SLC30A7: variants seen among roughly 807,000 people sequenced by gnomAD.
The protein encoded by SLC30A7 is zinc transporter 7.
Under a neutral mutation model 46.0 loss-of-function variants are expected in SLC30A7, and 35 were observed. The ratio of observed to expected loss-of-function variants is 0.76; its 90% CI spans 0.58 to 1.01. SLC30A7 has a LOEUF of 1.01. SLC30A7 is among the 50% of genes least tolerant of loss of function. The pLI is 0.00. For synonymous variants in SLC30A7, 147 were observed against 157.8 expected (o/e 0.93, Z 0.51); for missense variants, 464 against 451.1 (o/e 1.03, Z -0.26).
chr1:100,909,227 A>G (rs1651920254), intron 3 of SLC30A7, among the ~76,000 whole-genome samples: 1 of 152,160 alleles, frequency 6.6e-6, no homozygotes, highest in South Asian at 2.1e-4. Flanking sequence ...TTGAATTCTC[A>G]TAACCTCCCA....
intron 8 of SLC30A7, among the ~76,000 whole-genome samples, chr1:100,924,697 C>T (rs1400494592): frequency 6.7e-6 from 1 of 148,698 alleles, no homozygotes; most frequent in African/African-American, 2.5e-5. Flanking sequence ...AAAATTGGTA[C>T]ACTTTGAATT....
At chr1:100,964,884 C>G (rs1655781963) in intron 9 of SLC30A7, among the ~76,000 whole-genome samples, 1 of 151,986 alleles carries the variant, frequency 6.6e-6, no homozygotes. Context: ...ATCTTTTTCC[C>G]CAATAAAAGC....
At chr1:100,940,742 A>G (rs1041396325) in intron 8 of SLC30A7, among the ~76,000 whole-genome samples, 3 of 152,244 alleles carry the variant, frequency 2.0e-5, no homozygotes, top group Non-Finnish European at 2.9e-5. Context: ...AAAAAATAAA[A>G]TCTTATATTA....
Position 100,918,105 on chromosome 1 carries a change from AC to A in SLC30A7, c.687del (p.Ser230AlafsTer13). On this transcript the variant is annotated frameshift_variant, in exon 7 of 11. Transcript: ENST00000357650. LOFTEE classifies it high-confidence loss of function. ...GCCCGTCCTTAAAAGAAACAACAGG[AC>A]CCAGCAGACAGATTTTACAAGGTAT... is the stretch of plus-strand genomic sequence containing the variant. ...DGPSLKETTGPSRQILQGVFL... is the reference protein window; with the variant it reads ...DGPSLKETTGXSRQILQGVFL... 1.2e-6 allele frequency: 2 copies of A among 1,613,024 alleles called. No homozygotes were observed. Among genetic ancestry groups the A allele is most frequent in the Non-Finnish European group, 1.7e-6 (2 of 1,179,354 alleles).
At chr1:100,902,740 G>A (rs1304806623) in intron 2 of SLC30A7, among the ~76,000 whole-genome samples, 1 of 152,124 alleles carries the variant, frequency 6.6e-6, no homozygotes, top group Non-Finnish European at 1.5e-5. Flanking sequence ...TGTGATCTAT[G>A]TATCTTCTTC....
intron 8 of SLC30A7, among the ~76,000 whole-genome samples, chr1:100,939,362 C>T (rs1430566400): frequency 6.6e-6 from 1 of 151,546 alleles, no homozygotes; most frequent in Admixed American, 6.7e-5. Context: ...AATCAATGTT[C>T]TTTATATATA....
the SLC30A7 span, among the ~76,000 whole-genome samples, chr1:100,991,299 A>G: frequency 6.6e-6 from 1 of 152,190 alleles, no homozygotes; most frequent in Non-Finnish European, 1.5e-5. Context: ...CTGACCCTTT[A>G]ATGGTTGTAT....
At chr1:100,920,419 T>C (rs1382273770) in intron 7 of SLC30A7, among the ~76,000 whole-genome samples, 1 of 152,014 alleles carries the variant, frequency 6.6e-6, no homozygotes, top group African/African-American at 2.4e-5. Context: ...ATTCTATAAG[T>C]ATGTCTGACA....
intron 8 of SLC30A7, chr1:100,941,001 A>G (rs915906508): frequency 1.6e-5 from 6 of 363,914 alleles, no homozygotes; most frequent in African/African-American, 1.3e-4. Context: ...GCTAAACTTT[A>G]TTTCCTAGCA....
At chr1:100,912,631 C>T (rs534718756) in intron 5 of SLC30A7, among the ~76,000 whole-genome samples, 7 of 152,058 alleles carry the variant, frequency 4.6e-5, no homozygotes, top group South Asian at 2.1e-4. Flanking sequence ...TGACACCAGC[C>T]TGGGCGATAT....
At chr1:100,974,212 A>C (rs538714403) in intron 10 of SLC30A7, among the ~76,000 whole-genome samples, 1 of 152,274 alleles carries the variant, frequency 6.6e-6, no homozygotes, top group African/African-American at 2.4e-5. Flanking sequence ...TGTACATTGT[A>C]CCCAAAAGAT....
At chr1:100,955,706 G>A (rs1481128021) in intron 8 of SLC30A7, among the ~76,000 whole-genome samples, 1 of 151,982 alleles carries the variant, frequency 6.6e-6, no homozygotes, top group Non-Finnish European at 1.5e-5. Context: ...TATTACAATA[G>A]TTAATCAGAA....
chr1:100,899,819 A>ATTT (rs34648957), intron 2 of SLC30A7, among the ~76,000 whole-genome samples: 3 of 146,692 alleles, frequency 2.0e-5, no homozygotes, highest in East Asian at 2.0e-4. Context: ...AGGTGTGCAC[A>ATTT]TTTTTTTTTT....
At position 100,981,251 on chromosome 1, in the gene SLC30A7, T is replaced by C. The variant is rs1293886037; in HGVS notation, c.*6394T>C. 2.0e-5 allele frequency: 3 copies of C among 152,194 alleles called. No homozygotes were observed. Among genetic ancestry groups the C allele is most frequent in the Non-Finnish European group, 2.9e-5 (2 of 67,998 alleles). 9.4% of individuals were successfully genotyped at this position (152,194 alleles called of 1,614,324 possible). A position where few individuals can be genotyped will look rare whatever the true frequency, so the allele number is the denominator to read the frequency against. On this transcript the variant is annotated 3_prime_UTR_variant, in exon 11 of 11. Coordinates refer to ENST00000357650, the MANE Select transcript of SLC30A7 (RefSeq NM_133496.5). ...CCTGTCAATAGTTTGTCAAGTAACT[T>C]CATTGCTTCCTTTGATAGCAATTCA...
intron 10 of SLC30A7, 111 bp downstream of exon 10, chr1:100,966,029 T>A: frequency 1.1e-6 from 1 of 944,296 alleles, no homozygotes; most frequent in Non-Finnish European, 1.6e-6. Flanking sequence ...CTAGGATTTC[T>A]AGATCAGTGT....
At chr1:100,924,185 C>A (rs935306020) in intron 8 of SLC30A7, among the ~76,000 whole-genome samples, 1 of 151,914 alleles carries the variant, frequency 6.6e-6, no homozygotes, top group Non-Finnish European at 1.5e-5. Flanking sequence ...TGACTCTTAC[C>A]CTTAGGATAG....
At chr1:100,915,387 A>T (rs943358237) in intron 6 of SLC30A7, among the ~76,000 whole-genome samples, 17 of 152,002 alleles carry the variant, frequency 1.1e-4, no homozygotes, top group African/African-American at 4.1e-4. Flanking sequence ...GGACCTATTT[A>T]TTTTGCACAA....
At chr1:100,986,931 T>G in the SLC30A7 span, among the ~76,000 whole-genome samples, 1 of 152,226 alleles carries the variant, frequency 6.6e-6, no homozygotes, top group Non-Finnish European at 1.5e-5. Context: ...TATGCAGCCT[T>G]CAGGTATTTC....
intron 8 of SLC30A7, among the ~76,000 whole-genome samples, chr1:100,939,505 A>G (rs2101055039): frequency 6.6e-6 from 1 of 152,108 alleles, no homozygotes; most frequent in South Asian, 2.1e-4. Flanking sequence ...ACAGAAGTCG[A>G]CTCGAACAGA....
Sources: allele counts gnomAD v4.1 joint callset (sites outside exome capture counted in the v4.1 genomes callset), GRCh38; gene constraint gnomAD v4.1.1; transcripts MANE v1.5; gene names NCBI Gene and HGNC (gene_info 2026-07-23, HGNC 2026-07-21).